TMLHE: variants seen among roughly 807,000 people sequenced by gnomAD.
TMLHE encodes the protein trimethyllysine hydroxylase, epsilon.
Under a neutral mutation model 25.7 loss-of-function variants are expected in TMLHE, and 18 were observed. The ratio of observed to expected loss-of-function variants is 0.70; its 90% confidence interval spans 0.48 to 1.04. TMLHE has a LOEUF of 1.04. Among genes scored for constraint, TMLHE ranks in the 50% least tolerant of loss-of-function variants. The probability of loss-of-function intolerance (pLI) is 0.00; values close to 1 mark genes in which losing one functional copy is unlikely to be tolerated. For missense variants in TMLHE, 236 were observed against 259.0 expected (o/e 0.91, Z 0.61); for synonymous variants, 105 against 97.0 (o/e 1.08, Z -0.49).
intron 2 of TMLHE, among the ~76,000 whole-genome samples, chrX:155,539,269 G>A (rs1028625694): frequency 8.9e-6 from 1 of 111,800 alleles, no homozygotes; most frequent in African/African-American, 3.3e-5. Context: ...TGGGATGCCA[G>A]GTTGGGGGCC....
At chrX:155,560,588 A>C (rs1557341696) in intron 1 of TMLHE, among the ~76,000 whole-genome samples, 1 of 41,060 alleles carries the variant, frequency 2.4e-5, no homozygotes, top group African/African-American at 4.4e-5. Context: ...GGAGTTAGTC[A>C]TAAGGATATC....
At chrX:155,548,714 G>C (rs782292076) in intron 1 of TMLHE, among the ~76,000 whole-genome samples, 6 of 104,715 alleles carry the variant, frequency 5.7e-5, no homozygotes, top group East Asian at 6.0e-4. Context: ...CAGCCTGGGC[G>C]ACAGAGTGAG....
At chrX:155,518,302 G>C (rs1207533453) in intron 3 of TMLHE, among the ~76,000 whole-genome samples, 1 of 87,111 alleles carries the variant, frequency 1.1e-5, no homozygotes, top group Non-Finnish European at 2.2e-5. Context: ...CTTTGGCTCT[G>C]TTTATATGCT....
At chrX:155,521,803 C>CCTTT (rs2067187880) in intron 3 of TMLHE, among the ~76,000 whole-genome samples, 1 of 71,332 alleles carries the variant, frequency 1.4e-5, no homozygotes, top group Non-Finnish European at 2.7e-5. Flanking sequence ...GTCCGTCACC[C>CCTTT]CTTTCTTTGA....
rs782772817 is a variant in TMLHE at position 155,511,780 on chromosome X, A to G, written c.651T>C (p.Tyr217=). ...ERISLIRETI[Y]GRMWYFTSDF... is the part of the protein sequence containing the mutation. ...CTGAAGTGAAATACCACATCCTCCC[A>G]TAAATGGTTTCTCTGTTAGTTGAAA... The change falls in exon 5 of 8, where the codon TAT becomes TAC. Residue 217 remains tyrosine, a synonymous_variant. Transcript: ENST00000334398. 21 of 1,174,199 alleles carry G rather than the reference A, an allele frequency of 1.8e-5. No individual in the cohort carries two copies. The highest frequency in any genetic ancestry group is 2.4e-5 in the Non-Finnish European group (21 of 871,707).
In TMLHE at chrX:155,556,202, C is replaced by T. The variant is rs188304351; in HGVS notation, c.-1-10925G>A. On this transcript the variant is annotated intron_variant, in intron 1 of 7. Coordinates refer to ENST00000334398, the MANE Select transcript of TMLHE (RefSeq NM_018196.4). ...ACATGCAGCAATGAAACAGGGACTT[C>T]AGTCCTATGGTTACAAGGAACTGAA... Among the ~76,000 whole-genome samples, 103 of 28,236 alleles carry T rather than the reference C, an allele frequency of 3.6e-3. 1 individual carries two copies. The highest frequency in any genetic ancestry group is 7.5e-3 in the African/African-American group (101 of 13,556). 24.5% of individuals were successfully genotyped at this position (28,236 alleles called of 115,157 possible).
At chrX:155,513,663 T>C (rs62618044) in intron 4 of TMLHE, among the ~76,000 whole-genome samples, 30,389 of 109,269 alleles carry the variant, frequency 0.28, 4,428 homozygotes, top group Middle Eastern at 0.45. Flanking sequence ...AACTACTTGA[T>C]GGTAGAACTC....
At chrX:155,525,236 G>A (rs1374815045) in intron 2 of TMLHE, among the ~76,000 whole-genome samples, 2 of 111,242 alleles carry the variant, frequency 1.8e-5, no homozygotes, top group African/African-American at 3.3e-5. Flanking sequence ...CCCCCTTGCT[G>A]TTCTCCTGAA....
At chrX:155,514,429 G>C (rs1276195113) in intron 3 of TMLHE, among the ~76,000 whole-genome samples, 164 bp from the exon 4 acceptor site, 1 of 111,629 alleles carries the variant, frequency 9.0e-6, no homozygotes, top group Non-Finnish European at 1.9e-5. Context: ...TTCTGAGAAA[G>C]AAATATGTGT....
intron 1 of TMLHE, among the ~76,000 whole-genome samples, chrX:155,554,125 C>G (rs782022687): frequency 1.6e-4 from 18 of 110,132 alleles, no homozygotes; most frequent in Middle Eastern, 4.7e-3. Flanking sequence ...ACCTCAGCCT[C>G]TTGAGTAGCT....
intron 1 of TMLHE, among the ~76,000 whole-genome samples, chrX:155,591,673 C>T (rs1437230603): frequency 2.7e-5 from 3 of 111,399 alleles, no homozygotes; most frequent in African/African-American, 9.8e-5. Flanking sequence ...ATTAGAATGG[C>T]TATTATCAAA....
intron 3 of TMLHE, among the ~76,000 whole-genome samples, chrX:155,523,296 T>A (rs1366635594): frequency 9.0e-6 from 1 of 111,556 alleles, no homozygotes; most frequent in Non-Finnish European, 1.9e-5. Flanking sequence ...AGTTTTATAG[T>A]TTTATGTTTT....
Position 155,541,004 on chromosome X carries a change from G to A in TMLHE, c.181+4092C>T, listed in dbSNP as rs781973457. Among the ~76,000 whole-genome samples the A allele has an allele frequency of 9.0e-5, 10 of 110,759 alleles. No individual in the cohort carries two copies. In the South Asian group the frequency reaches 1.9e-3, roughly 21 times the overall value. ...GCATTTCTATATATTAATGGTGACC[G>A]ATCTAAGAAGAAAAATTAAGAAAAA... On this transcript the variant is annotated intron_variant, in intron 2 of 7. Coordinates refer to ENST00000334398, the MANE Select transcript of TMLHE (RefSeq NM_018196.4).
At chrX:155,505,818 C>T (rs1275013010) in intron 6 of TMLHE, among the ~76,000 whole-genome samples, 2 of 111,641 alleles carry the variant, frequency 1.8e-5, no homozygotes, top group African/African-American at 6.5e-5. Context: ...GTGTCAAGAA[C>T]AGAGCATGAC....
intron 2 of TMLHE, among the ~76,000 whole-genome samples, chrX:155,528,402 T>C (rs2067231776): frequency 9.1e-6 from 1 of 110,463 alleles, no homozygotes; most frequent in South Asian, 3.8e-4. Context: ...TGTATATTGG[T>C]GAAGTCAGAG....
intron 1 of TMLHE, among the ~76,000 whole-genome samples, chrX:155,580,948 A>T (rs1209756335): frequency 1.8e-5 from 2 of 111,938 alleles, no homozygotes; most frequent in Admixed American, 9.5e-5. Context: ...AACCAAATCT[A>T]TCAGCACATC....
In TMLHE at chrX:155,545,278, C is replaced by G; in HGVS notation, c.-1-1G>C. On this transcript the variant is annotated splice_acceptor_variant, in intron 1 of 7. Transcript: ENST00000334398. LOFTEE classifies it low-confidence loss of function (5UTR_SPLICE). Reference sequence around the variant, plus strand: ...GTGGGACAATCTGTGGTACCACATCCTAGAAGATTGGATAATAACAAGTTA... The same window carrying G: ...GTGGGACAATCTGTGGTACCACATCGTAGAAGATTGGATAATAACAAGTTA... 8.5e-7 allele frequency: 1 copy of G among 1,176,939 alleles called. No individual in the cohort carries two copies. The highest frequency in any genetic ancestry group is 1.1e-6 in the Non-Finnish European group (1 of 880,364).
intron 1 of TMLHE, among the ~76,000 whole-genome samples, chrX:155,555,606 A>C (rs1557340672): frequency 1.8e-5 from 2 of 110,860 alleles, no homozygotes; most frequent in African/African-American, 6.6e-5. Context: ...TGTGGTTTTG[A>C]TTTGCATTTC....
At chrX:155,510,972 GT>G (rs1404191160) in intron 5 of TMLHE, among the ~76,000 whole-genome samples, 4 of 110,277 alleles carry the variant, frequency 3.6e-5, no homozygotes, top group Non-Finnish European at 7.6e-5. Flanking sequence ...TCTCATTGTG[GT>G]TTTGATTTGC....
Sources: gnomAD v4.1 joint callset for allele counts (sites outside exome capture counted in the v4.1 genomes callset) on GRCh38, gnomAD v4.1.1 for gene constraint, MANE v1.5 for transcripts, NCBI Gene and HGNC (gene_info 2026-07-23, HGNC 2026-07-21) for gene names.